The following GRM7 variants were observed in gnomAD, a reference collection of about 807,000 sequenced individuals.
GRM7 encodes the protein metabotropic glutamate receptor 7.
Under a neutral mutation model 84.5 loss-of-function variants are expected in GRM7, and 35 were observed. The ratio of observed to expected loss-of-function variants is 0.41; its 90% CI spans 0.32 to 0.55. The LOEUF (loss-of-function observed/expected upper bound fraction) is 0.55. GRM7 is among the 20% of genes least tolerant of loss of function. The pLI, the probability that GRM7 is intolerant of heterozygous loss-of-function variation, is 0.19. For synonymous variants in GRM7, 487 were observed against 455.1 expected, an observed-to-expected ratio of 1.07 and a Z score of -0.89; for missense variants, 1,003 against 1,194.6, an observed-to-expected ratio of 0.84 and a Z score of 2.36.
chr3:6,867,151 T>C (rs1471327227), intron 1 of GRM7, among the ~76,000 whole-genome samples: 1 of 152,204 alleles, frequency 6.6e-6, no homozygotes, highest in African/African-American at 2.4e-5. Flanking sequence ...ACATTTCTTT[T>C]TACTATTTTG....
intron 2 of GRM7, among the ~76,000 whole-genome samples, chr3:7,148,591 A>C (rs1320695134): frequency 6.6e-6 from 1 of 152,210 alleles, no homozygotes; most frequent in Non-Finnish European, 1.5e-5. Context: ...TTCTATAGAC[A>C]GGTCAATGGT....
rs188291703 is a variant in GRM7, at chr3:7,276,511, C to A, written c.737-22173C>A. Among the ~76,000 whole-genome samples, 611 of 151,866 alleles carry A rather than the reference C, an allele frequency of 4.0e-3. 5 individuals carry two copies. The highest frequency in any genetic ancestry group is 0.014 in the African/African-American group (573 of 41,440). Reference sequence around the variant, plus strand: ...TTCTTCAGTTTACTTTCATTTCTAGCCTAGGATTTAGTACTATAGCATGCT... The same window carrying A: ...TTCTTCAGTTTACTTTCATTTCTAGACTAGGATTTAGTACTATAGCATGCT... On this transcript the variant is annotated intron_variant, in intron 2 of 9. Coordinates refer to ENST00000357716, the MANE Select transcript of GRM7 (RefSeq NM_000844.4).
At chr3:7,044,180 C>G (rs1202740678) in intron 1 of GRM7, among the ~76,000 whole-genome samples, 1 of 152,162 alleles carries the variant, frequency 6.6e-6, no homozygotes, top group Non-Finnish European at 1.5e-5. Context: ...TTCTGTTTAT[C>G]TTCCAGACTG....
rs182788380 is a variant in GRM7, at chr3:7,476,294, T to C, written c.1515+14572T>C. Reference sequence around the variant, plus strand: ...TGGGCGCCGTGGCTCACGCCTGTAATCCCAGTACTTTGGGAGGCTGAAGCG... The same window carrying C: ...TGGGCGCCGTGGCTCACGCCTGTAACCCCAGTACTTTGGGAGGCTGAAGCG... On this transcript the variant is annotated intron_variant, in intron 7 of 9. Transcript: ENST00000357716. Among the ~76,000 whole-genome samples, 1,411 of 152,286 alleles carry C rather than the reference T, an allele frequency of 9.3e-3. 11 individuals are homozygous for C. The highest frequency in any genetic ancestry group is 0.017 in the Middle Eastern group (5 of 294).
chr3:7,458,990 TTTG>T (rs1168987780), intron 6 of GRM7, among the ~76,000 whole-genome samples: 2 of 152,186 alleles, frequency 1.3e-5, no homozygotes, highest in Non-Finnish European at 2.9e-5. Flanking sequence ...TTAAAAATCT[TTTG>T]TTGTTATTGA....
intron 8 of GRM7, among the ~76,000 whole-genome samples, chr3:7,666,281 T>C (rs1364139349): frequency 2.0e-5 from 3 of 152,148 alleles, no homozygotes; most frequent in Non-Finnish European, 2.9e-5. Context: ...GCAGAGAGAA[T>C]AATATACACT....
intron 1 of GRM7, among the ~76,000 whole-genome samples, chr3:6,973,076 A>G (rs531792884): frequency 6.6e-6 from 1 of 152,360 alleles, no homozygotes. Flanking sequence ...CTCGGTAAAC[A>G]GGGAACATAA....
chr3:6,971,578 A>G (rs1242696014), intron 1 of GRM7, among the ~76,000 whole-genome samples: 1 of 152,246 alleles, frequency 6.6e-6, no homozygotes, highest in African/African-American at 2.4e-5. Context: ...GGTGTTCTTT[A>G]TAGTAAAAGA....
intron 2 of GRM7, among the ~76,000 whole-genome samples, chr3:7,274,743 G>C (rs532255192): frequency 1.3e-4 from 19 of 151,946 alleles, no homozygotes; most frequent in African/African-American, 4.3e-4. Context: ...CGTATGTTTA[G>C]TTGTAGTTTT....
At chr3:7,303,109 T>C (rs1422226502) in intron 3 of GRM7, among the ~76,000 whole-genome samples, 2 of 151,976 alleles carry the variant, frequency 1.3e-5, no homozygotes, top group African/African-American at 2.4e-5. Context: ...GCCAGCTAAT[T>C]TTTTGTATTT....
At position 7,461,693 on chromosome 3, in the gene GRM7, G is replaced by A. The variant is rs1371496119; in HGVS notation, c.1486G>A (p.Gly496Arg). ...CAGCAACCCGGGTTACCGTCTGATC[G>A]GGCAGTGGACAGACGAACTTCAGCT... ...NTSNPGYRLI[G>R]QWTDELQLNI... is the part of the protein sequence containing the mutation. The change falls in exon 7 of 10, where the codon GGG becomes AGG. Residue 496 changes from glycine (G) to arginine (R), a missense_variant. Gly to Arg is a moderately radical substitution (Grantham distance 125, BLOSUM62 -2). Around this residue, in one of 2 missense-constraint regions of GRM7, gnomAD observed 910 missense variants for 1,126.0 expected, o/e 0.81. Coordinates refer to ENST00000357716, the MANE Select transcript of GRM7 (RefSeq NM_000844.4). 1 of 1,613,662 alleles carries A rather than the reference G, an allele frequency of 6.2e-7. No homozygotes were observed. Among genetic ancestry groups the A allele is most frequent in the Non-Finnish European group, 8.5e-7 (1 of 1,179,770 alleles).
At chr3:7,533,949 C>T (rs1186049006) in intron 7 of GRM7, among the ~76,000 whole-genome samples, 2 of 151,564 alleles carry the variant, frequency 1.3e-5, no homozygotes, top group African/African-American at 4.9e-5. Flanking sequence ...CATGCTCATA[C>T]AGCAAACCAA....
chr3:7,646,990 G>A (rs989748936), intron 8 of GRM7, among the ~76,000 whole-genome samples: 2 of 152,110 alleles, frequency 1.3e-5, no homozygotes, highest in Non-Finnish European at 2.9e-5. Context: ...CTGGGTCAAG[G>A]GCCAAAGTTC....
intron 1 of GRM7, among the ~76,000 whole-genome samples, chr3:7,007,415 C>T (rs1695220052): frequency 6.6e-6 from 1 of 152,102 alleles, no homozygotes; most frequent in Middle Eastern, 3.2e-3. Context: ...GATATTATAT[C>T]CCCAAAAATA....
chr3:7,437,827 G>A (rs1697123667), intron 5 of GRM7, among the ~76,000 whole-genome samples: 1 of 152,100 alleles, frequency 6.6e-6, no homozygotes, highest in Non-Finnish European at 1.5e-5. Context: ...TAGGGAAATT[G>A]TACAGAGAGA....
At chr3:7,064,112 A>G (rs1697533129) in intron 1 of GRM7, among the ~76,000 whole-genome samples, 1 of 151,230 alleles carries the variant, frequency 6.6e-6, no homozygotes, top group Non-Finnish European at 1.5e-5. Context: ...TTCATAAGTT[A>G]TTGAGGAACA....
chr3:7,102,371 C>T (rs1316153853), intron 1 of GRM7, among the ~76,000 whole-genome samples: 1 of 151,746 alleles, frequency 6.6e-6, no homozygotes, highest in Non-Finnish European at 1.5e-5. Context: ...GCTGCCATCG[C>T]TTCTGAAGAG....
At chr3:7,694,676 G>A (rs1179475132) in intron 9 of GRM7, among the ~76,000 whole-genome samples, 1 of 152,018 alleles carries the variant, frequency 6.6e-6, no homozygotes, top group Non-Finnish European at 1.5e-5. Flanking sequence ...ATAACACAAC[G>A]CATGTTTCCT....
At chr3:7,284,716 A>G (rs1344143078) in intron 2 of GRM7, among the ~76,000 whole-genome samples, 2 of 152,090 alleles carry the variant, frequency 1.3e-5, no homozygotes, top group Non-Finnish European at 2.9e-5. Context: ...TCTTGGGCAA[A>G]TCATTTTTCA....
Sources: gnomAD v4.1 joint callset for allele counts (sites outside exome capture counted in the v4.1 genomes callset) on GRCh38, gnomAD v4.1.1 for gene constraint, gnomAD v4.1.1 regional missense constraint, MANE v1.5 for transcripts, NCBI Gene and HGNC (gene_info 2026-07-23, HGNC 2026-07-21) for gene names.